Variants in GABRA4 observed in about 807,000 individuals in gnomAD.
GABRA4 encodes the protein gamma-aminobutyric acid receptor subunit alpha-4.
A neutral mutation model predicts 49.7 loss-of-function variants in GABRA4; 12 were observed. The ratio of observed to expected loss-of-function variants is 0.24; its 90% CI spans 0.15 to 0.39. The LOEUF is 0.39. GABRA4 is among the 10% of genes least tolerant of loss of function. GABRA4 has a pLI of 1.00. For missense variants in GABRA4, 506 were observed against 686.0 expected (o/e 0.74, Z 2.93); for synonymous variants, 288 against 240.2 (o/e 1.20, Z -1.84).
chr4:46,935,744 C>G (rs1721583642), intron 8 of GABRA4, among the ~76,000 whole-genome samples: 1 of 152,076 alleles, frequency 6.6e-6, no homozygotes, highest in Non-Finnish European at 1.5e-5. Context: ...GTGCAGCACG[C>G]CACCATGGCA....
intron 8 of GABRA4, among the ~76,000 whole-genome samples, chr4:46,959,758 C>CAAAAAAAAAAA (rs67861758): frequency 4.8e-5 from 4 of 82,690 alleles, no homozygotes; most frequent in African/African-American, 9.7e-5. Context: ...CATCACTTTG[C>CAAAAAAAAAAA]AAAAAAAAAA....
At chr4:46,970,738 A>G (rs762122974) in intron 7 of GABRA4, among the ~76,000 whole-genome samples, 1 of 151,520 alleles carries the variant, frequency 6.6e-6, no homozygotes, top group African/African-American at 2.4e-5. Context: ...CTGCCAGTGC[A>G]TTTCTTTTTA....
chr4:46,985,299 G>A (rs551158873), intron 2 of GABRA4, among the ~76,000 whole-genome samples: 30 of 152,042 alleles, frequency 2.0e-4, no homozygotes, highest in African/African-American at 4.1e-4. Context: ...TATTTTGGAC[G>A]GAGAAGACAG....
intron 7 of GABRA4, among the ~76,000 whole-genome samples, chr4:46,967,040 A>G (rs760277347): frequency 1.6e-4 from 24 of 151,768 alleles, no homozygotes; most frequent in Non-Finnish European, 3.1e-4. Context: ...ATGAATAAAC[A>G]ATAAAATAAC....
intron 8 of GABRA4, among the ~76,000 whole-genome samples, chr4:46,947,753 G>C (rs1160093): frequency 0.39 from 59,647 of 151,888 alleles, 11,949 homozygotes; most frequent in Middle Eastern, 0.43. Context: ...TTGGTTGTAT[G>C]TGACTTAAAA....
chr4:46,991,718 T>C (rs1723750271), intron 2 of GABRA4, among the ~76,000 whole-genome samples: 1 of 35,716 alleles, frequency 2.8e-5, no homozygotes, highest in Non-Finnish European at 7.9e-5. Flanking sequence ...ACTTGGAACT[T>C]GGACTCAATT....
At chr4:46,978,701 A>AAG (rs1553906013) in intron 3 of GABRA4, among the ~76,000 whole-genome samples, 1 of 149,916 alleles carries the variant, frequency 6.7e-6, no homozygotes, top group African/African-American at 2.4e-5. Flanking sequence ...AAAAAAAAAA[A>AAG]AAAAAAAAAA....
rs529567450 is a variant in GABRA4, at chr4:46,931,993, AT to A, written c.1135-3239del. On this transcript the variant is annotated intron_variant, in intron 8 of 8. Transcript: ENST00000264318. ...ATTAATTGTGTGTACCTGAAGTATC[AT>A]TTTTTTTGTTATGCAATATTATTGT... Among the ~76,000 whole-genome samples, 596 of 152,170 alleles carry A rather than the reference AT, an allele frequency of 3.9e-3. 6 individuals carry two copies. Among genetic ancestry groups the A allele is most frequent in the African/African-American group, 0.014 (574 of 41,532 alleles).
chr4:46,942,213 A>G (rs1218105824), intron 8 of GABRA4, among the ~76,000 whole-genome samples: 1 of 152,154 alleles, frequency 6.6e-6, no homozygotes, highest in Admixed American at 6.6e-5. Flanking sequence ...TTTATGGAAC[A>G]TCCACTCATG....
chr4:46,926,935 A>G lies in GABRA4; in HGVS notation c.*1290T>C, dbSNP rs1336087932. The G allele has an allele frequency of 1.3e-5, 2 of 151,914 alleles. No individual in the cohort carries two copies. Among genetic ancestry groups the G allele is most frequent in the African/African-American group, 2.4e-5 (1 of 41,430 alleles). 9.4% of individuals were successfully genotyped at this position (151,914 alleles called of 1,614,324 possible). ...TATTCCCCTTAGTTATTAAACCTTA[A>G]AAAAACTCCCAAAAAAACCAACATG... On this transcript the variant is annotated 3_prime_UTR_variant, in exon 9 of 9. Transcript: ENST00000264318.
intron 8 of GABRA4, among the ~76,000 whole-genome samples, chr4:46,938,517 G>T (rs1272535125): frequency 1.3e-5 from 2 of 152,076 alleles, no homozygotes; most frequent in Non-Finnish European, 2.9e-5. Flanking sequence ...GGAATTATAA[G>T]CCATGTACCT....
Position 46,961,456 on chromosome 4 carries a change from T to C in GABRA4, c.1134+3514A>G, listed in dbSNP as rs998466500. 1.1e-3 allele frequency among the ~76,000 whole-genome samples: 170 copies of C among 151,922 alleles called. 2 individuals are homozygous for C. The highest frequency in any genetic ancestry group is 6.6e-4 in the Non-Finnish European group (45 of 67,880). ...TTTATGTTTTTCAGTATTGTCTGCC[T>C]CCTCTCCCTTGCCCCACACAAGTAA... On this transcript the variant is annotated intron_variant, in intron 8 of 8. Coordinates refer to ENST00000264318, the MANE Select transcript of GABRA4 (RefSeq NM_000809.4).
intron 8 of GABRA4, among the ~76,000 whole-genome samples, chr4:46,951,221 A>C (rs980923125): frequency 6.6e-6 from 1 of 151,728 alleles, no homozygotes; most frequent in African/African-American, 2.4e-5. Context: ...ACAATGTTGA[A>C]TGGGTTTGTG....
intron 2 of GABRA4, among the ~76,000 whole-genome samples, chr4:46,981,856 C>T (rs1221878479): frequency 5.3e-5 from 8 of 151,978 alleles, no homozygotes; most frequent in Non-Finnish European, 1.5e-5. Flanking sequence ...TGAGCATGAG[C>T]CATTGCAAGA....
At chr4:46,961,479 T>C (rs956966711) in intron 8 of GABRA4, among the ~76,000 whole-genome samples, 3 of 151,870 alleles carry the variant, frequency 2.0e-5, no homozygotes, top group African/African-American at 7.2e-5. Context: ...CCCACACAAG[T>C]AAATGTAAGC....
chr4:46,969,646 G>C (rs1353278579), intron 7 of GABRA4, among the ~76,000 whole-genome samples: 3 of 151,458 alleles, frequency 2.0e-5, no homozygotes, highest in Non-Finnish European at 3.0e-5. Context: ...GAACTAAGTG[G>C]TCCAGATACC....
At chr4:46,954,094 A>G (rs924383890) in intron 8 of GABRA4, among the ~76,000 whole-genome samples, 1 of 152,166 alleles carries the variant, frequency 6.6e-6, no homozygotes, top group African/African-American at 2.4e-5. Flanking sequence ...CCAGCAAGTA[A>G]TAAGCACAGT....
chr4:46,961,400 A>G (rs1722568073), intron 8 of GABRA4, among the ~76,000 whole-genome samples: 1 of 151,776 alleles, frequency 6.6e-6, no homozygotes, highest in Non-Finnish European at 1.5e-5. Context: ...TCATAGCCCT[A>G]TCACTATCTA....
At chr4:46,962,134 T>G (rs184467265) in intron 8 of GABRA4, among the ~76,000 whole-genome samples, 30 of 152,002 alleles carry the variant, frequency 2.0e-4, no homozygotes, top group Admixed American at 1.4e-3. Flanking sequence ...TGTTTTCTTC[T>G]TTAATACACA....
Sources: allele counts gnomAD v4.1 joint callset (sites outside exome capture counted in the v4.1 genomes callset), GRCh38; gene constraint gnomAD v4.1.1; transcripts MANE v1.5; gene names NCBI Gene and HGNC (gene_info 2026-07-23, HGNC 2026-07-21).